STAU1: variants seen among roughly 807,000 people sequenced by gnomAD.
The protein encoded by STAU1 is double-stranded RNA-binding protein Staufen homolog 1.
In STAU1, 13 loss-of-function variants were observed where a neutral mutation model predicts 62.9. The ratio of observed to expected loss-of-function variants is 0.21; its 90% confidence interval spans 0.13 to 0.33. The LOEUF is 0.33. Ranked by LOEUF, STAU1 falls within the 10% of genes least tolerant of loss-of-function variation. The pLI is 1.00. For synonymous variants in STAU1, 269 were observed against 265.1 expected (o/e 1.01, Z -0.14); for missense variants, 571 against 712.1 (o/e 0.80, Z 2.25).
intron 6 of STAU1, among the ~76,000 whole-genome samples, chr20:49,130,289 G>T (rs754474685): frequency 3.3e-4 from 51 of 152,312 alleles, no homozygotes; most frequent in Non-Finnish European, 5.6e-4. Flanking sequence ...ATCAATGCTT[G>T]CCAGAGCCTG....
chr20:49,182,538 T>C (rs1459618042), intron 1 of STAU1, among the ~76,000 whole-genome samples: 2 of 152,178 alleles, frequency 1.3e-5, no homozygotes, highest in Admixed American at 6.6e-5. Flanking sequence ...AAAATGTTCA[T>C]GACAAAGAGC....
intron 6 of STAU1, chr20:49,134,380 G>A (rs1374544234): frequency 2.3e-5 from 11 of 473,236 alleles, no homozygotes; most frequent in African/African-American, 1.0e-4. Flanking sequence ...GCAGTGAGCC[G>A]AGAACACACC....
At chr20:49,161,174 A>C (rs549013405) in intron 3 of STAU1, among the ~76,000 whole-genome samples, 2 of 152,098 alleles carry the variant, frequency 1.3e-5, no homozygotes, top group Non-Finnish European at 2.9e-5. Context: ...AAAAAAAAAA[A>C]AAACTAGCTG....
At chr20:49,115,906 G>A (rs768160720) in intron 12 of STAU1, 39 bp from the exon 13 acceptor site, 10 of 1,574,422 alleles carry the variant, frequency 6.4e-6, no homozygotes, top group East Asian at 4.5e-5. Flanking sequence ...CACAGCCACC[G>A]CTTGGGACCA....
At chr20:49,217,693 A>T in the STAU1 span, among the ~76,000 whole-genome samples, 29 of 143,882 alleles carry the variant, frequency 2.0e-4, no homozygotes, top group African/African-American at 6.0e-4. Flanking sequence ...ATATATATAT[A>T]TTTTTAGGCC....
the STAU1 span, among the ~76,000 whole-genome samples, chr20:49,203,843 C>T: frequency 4.6e-5 from 7 of 152,260 alleles, no homozygotes; most frequent in East Asian, 3.9e-4. Context: ...TGCGCCACCA[C>T]GCCTGGCTAA....
intron 3 of STAU1, among the ~76,000 whole-genome samples, chr20:49,154,464 G>A (rs2093322884): frequency 6.6e-6 from 1 of 152,226 alleles, no homozygotes; most frequent in South Asian, 2.1e-4. Flanking sequence ...TGGTTGTACT[G>A]ATTTACAGGA....
At chr20:49,189,200 TCAAAAAAAAAAAAAAAAAA>T (rs1277380896), upstream of STAU1, among the ~76,000 whole-genome samples, 1 of 27,470 alleles carries the variant, frequency 3.6e-5, no homozygotes, top group South Asian at 2.0e-3. Context: ...GACACTGGTC[TCAAAAAAAAAAAAAAAAAA>T]AAAAAAAAAA....
intron 13 of STAU1, among the ~76,000 whole-genome samples, 185 bp from the exon 14 acceptor site, chr20:49,115,078 T>C (rs1223738609): frequency 1.3e-5 from 2 of 151,890 alleles, no homozygotes; most frequent in Non-Finnish European, 2.9e-5. Flanking sequence ...TGTGTACTTA[T>C]CTCTGTGGGG....
chr20:49,209,626 C>T, the STAU1 span, among the ~76,000 whole-genome samples: 6 of 152,026 alleles, frequency 3.9e-5, no homozygotes, highest in East Asian at 1.2e-3. Context: ...TGCCTGTAAT[C>T]CTAGCTACTT....
rs542144020 is a variant in STAU1, at chr20:49,175,956, G to A, written c.-159-1687C>T. Among the ~76,000 whole-genome samples the A allele has an allele frequency of 3.6e-3, 547 of 151,810 alleles. 2 individuals carry two copies. Among genetic ancestry groups the A allele is most frequent in the African/African-American group, 0.013 (528 of 41,402 alleles). The stretch of plus-strand genomic sequence containing the variant: ...ACTACAGGCGCCCGCCACCTCGCCC[G>A]GCTAATTTTTTGTATTTTTAGTAGA... On this transcript the variant is annotated intron_variant, in intron 1 of 13. Coordinates refer to ENST00000371856, the MANE Select transcript of STAU1 (RefSeq NM_017453.4).
At chr20:49,184,357 G>C (rs113782546) in intron 1 of STAU1, among the ~76,000 whole-genome samples, 1 of 152,090 alleles carries the variant, frequency 6.6e-6, no homozygotes, top group African/African-American at 2.4e-5. Flanking sequence ...AGCAGCTTAG[G>C]GTGCAAGGCC....
At chr20:49,182,770 T>C (rs1390412357) in intron 1 of STAU1, among the ~76,000 whole-genome samples, 3 of 135,274 alleles carry the variant, frequency 2.2e-5, no homozygotes, top group African/African-American at 5.7e-5. Flanking sequence ...ACCCAGGAGG[T>C]GGAGCTTGCA....
At chr20:49,133,557 A>G (rs1007195866) in intron 6 of STAU1, among the ~76,000 whole-genome samples, 18 of 152,000 alleles carry the variant, frequency 1.2e-4, no homozygotes, top group East Asian at 1.9e-4. Context: ...TTCCCACTCA[A>G]CTGTGAGCCC....
intron 3 of STAU1, among the ~76,000 whole-genome samples, chr20:49,157,644 T>C (rs1227468213): frequency 6.6e-6 from 1 of 152,128 alleles, no homozygotes; most frequent in Non-Finnish European, 1.5e-5. Context: ...CACGCCCAGC[T>C]AATTTTTGAA....
At chr20:49,173,635 G>C (rs912858222) in intron 2 of STAU1, among the ~76,000 whole-genome samples, 7 of 152,144 alleles carry the variant, frequency 4.6e-5, no homozygotes, top group African/African-American at 1.7e-4. Flanking sequence ...AGCTTCTAGA[G>C]GGAAAGTGTT....
At chr20:49,134,509 T>C in intron 6 of STAU1, 2 of 1,193,616 alleles carry the variant, frequency 1.7e-6, no homozygotes, top group Non-Finnish European at 2.4e-6. Flanking sequence ...CTCTCATGGA[T>C]CCTGACACCA....
At chr20:49,209,170 G>A in the STAU1 span, among the ~76,000 whole-genome samples, 1 of 148,784 alleles carries the variant, frequency 6.7e-6, no homozygotes, top group Non-Finnish European at 1.5e-5. Context: ...CCTTGGCTCA[G>A]GTGATTTGCC....
the STAU1 span, among the ~76,000 whole-genome samples, chr20:49,205,013 T>C: frequency 6.6e-6 from 1 of 151,868 alleles, no homozygotes; most frequent in African/African-American, 2.4e-5. Flanking sequence ...TGTACAGAAA[T>C]ATTATGGGCT....
Sources: allele counts gnomAD v4.1 joint callset (sites outside exome capture counted in the v4.1 genomes callset), GRCh38; gene constraint gnomAD v4.1.1; transcripts MANE v1.5; gene names NCBI Gene and HGNC (gene_info 2026-07-23, HGNC 2026-07-21).